Variants in TENM3 observed in about 807,000 individuals in gnomAD.
TENM3 encodes the protein teneurin transmembrane protein 3.
A neutral mutation model predicts 255.1 loss-of-function variants in TENM3; 63 were observed. The ratio of observed to expected loss-of-function variants is 0.25; its 90% CI spans 0.20 to 0.30. TENM3 has a LOEUF of 0.30. TENM3 is among the 10% of genes least tolerant of loss of function. The pLI is 1.00. For synonymous variants in TENM3, 1,306 were observed against 1,322.3 expected (o/e 0.99, Z 0.27); for missense variants, 2,929 against 3,461.1 (o/e 0.85, Z 3.86).
chr4:181,783,845 G>A, the TENM3 span, among the ~76,000 whole-genome samples: 2 of 151,952 alleles, frequency 1.3e-5, no homozygotes, highest in African/African-American at 2.4e-5. Context: ...GATTATAAGT[G>A]CGCACCACTA....
At chr4:181,909,374 C>A in the TENM3 span, among the ~76,000 whole-genome samples, 214 of 152,236 alleles carry the variant, frequency 1.4e-3, no homozygotes, top group Middle Eastern at 0.01. Context: ...ACATCTTGAC[C>A]ACAGAATGTT....
chr4:181,818,720 G>A, the TENM3 span, among the ~76,000 whole-genome samples: 9 of 150,712 alleles, frequency 6.0e-5, no homozygotes, highest in East Asian at 2.0e-4. Context: ...AGTGATTCTC[G>A]TGCCTCAGCC....
At chr4:181,690,449 A>G in the TENM3 span, among the ~76,000 whole-genome samples, 5 of 152,232 alleles carry the variant, frequency 3.3e-5, no homozygotes, top group African/African-American at 1.2e-4. Flanking sequence ...AAAGCCAGGG[A>G]TATATAACTG....
the TENM3 span, among the ~76,000 whole-genome samples, chr4:181,479,581 G>A: frequency 7.9e-5 from 12 of 151,826 alleles, no homozygotes; most frequent in Admixed American, 7.9e-4. Context: ...TCATAAATAT[G>A]GCCTCTTTCA....
the TENM3 span, among the ~76,000 whole-genome samples, chr4:181,881,665 A>G: frequency 6.6e-6 from 1 of 152,176 alleles, no homozygotes; most frequent in Admixed American, 6.5e-5. Flanking sequence ...TCACAAGTCA[A>G]TGAAATATGA....
chr4:182,735,305 G>T (rs990846473), intron 16 of TENM3, among the ~76,000 whole-genome samples: 1 of 152,090 alleles, frequency 6.6e-6, no homozygotes, highest in East Asian at 1.9e-4. Flanking sequence ...ACCACATCGC[G>T]TCCCTCTTCA....
At chr4:181,466,122 G>A in the TENM3 span, among the ~76,000 whole-genome samples, 12 of 111,360 alleles carry the variant, frequency 1.1e-4, no homozygotes, top group South Asian at 1.0e-3. Flanking sequence ...TTTTTTTTTT[G>A]TTTTGTTTTT....
chr4:182,266,953 G>T (rs1759282569), intron 1 of TENM3, among the ~76,000 whole-genome samples: 1 of 152,078 alleles, frequency 6.6e-6, no homozygotes, highest in South Asian at 2.1e-4. Context: ...TCTTTAGAAG[G>T]TGGTTTATAA....
At chr4:182,287,623 A>AT (rs1554043850) in intron 1 of TENM3, among the ~76,000 whole-genome samples, 1 of 144,142 alleles carries the variant, frequency 6.9e-6, no homozygotes, top group Non-Finnish European at 1.5e-5. Flanking sequence ...TTATTTATTT[A>AT]TTTTTTTTGA....
At chr4:182,605,536 G>C (rs79774968) in intron 4 of TENM3, among the ~76,000 whole-genome samples, 1 of 149,394 alleles carries the variant, frequency 6.7e-6, no homozygotes, top group Non-Finnish European at 1.5e-5. Flanking sequence ...CTAATGAATA[G>C]TAAAAAATCA....
At chr4:182,522,162 CATT>C (rs1738649036) in intron 3 of TENM3, among the ~76,000 whole-genome samples, 1 of 152,132 alleles carries the variant, frequency 6.6e-6, no homozygotes, top group Non-Finnish European at 1.5e-5. Flanking sequence ...GCACCTTAAA[CATT>C]AATTTTTTTC....
chr4:182,569,946 A>T (rs1334004543), intron 3 of TENM3, among the ~76,000 whole-genome samples: 1 of 152,210 alleles, frequency 6.6e-6, no homozygotes, highest in Non-Finnish European at 1.5e-5. Context: ...TGCAGGTAGG[A>T]TATATTAGGG....
intron 3 of TENM3, among the ~76,000 whole-genome samples, chr4:182,413,435 G>C (rs1201128059): frequency 6.6e-6 from 1 of 152,070 alleles, no homozygotes; most frequent in Non-Finnish European, 1.5e-5. Flanking sequence ...TGGCCAACAT[G>C]GCGAAACCCT....
chr4:181,788,030 C>T, the TENM3 span, among the ~76,000 whole-genome samples: 3 of 152,090 alleles, frequency 2.0e-5, no homozygotes, highest in African/African-American at 7.2e-5. Flanking sequence ...CCAGCCACTT[C>T]GAGATCACTT....
the TENM3 span, among the ~76,000 whole-genome samples, chr4:181,482,577 ATTAATTTATACTTACTAAGAT>A: frequency 6.6e-6 from 1 of 152,136 alleles, no homozygotes; most frequent in African/African-American, 2.4e-5. Flanking sequence ...CTGCTTATTT[ATTAATTTATACTTACTAAGAT>A]TTAAAGAGAT....
At chr4:181,578,620 G>C in the TENM3 span, among the ~76,000 whole-genome samples, 2 of 152,230 alleles carry the variant, frequency 1.3e-5, no homozygotes, top group Non-Finnish European at 2.9e-5. Flanking sequence ...CTGTACTTCA[G>C]ACTTTGCCAC....
chr4:181,990,022 C>G, the TENM3 span, among the ~76,000 whole-genome samples: 243 of 152,206 alleles, frequency 1.6e-3, 2 homozygotes, highest in African/African-American at 5.6e-3. Flanking sequence ...TCTATATTTT[C>G]AGAGTCTAAT....
At chr4:182,018,248 A>T in the TENM3 span, among the ~76,000 whole-genome samples, 4 of 152,180 alleles carry the variant, frequency 2.6e-5, no homozygotes, top group Admixed American at 2.0e-4. Context: ...TACAAAGAAG[A>T]TCCTTCGCCT....
At chr4:182,156,381 A>C (rs1202565580) in intron 1 of TENM3, among the ~76,000 whole-genome samples, 2 of 151,884 alleles carry the variant, frequency 1.3e-5, no homozygotes, top group East Asian at 3.9e-4. Flanking sequence ...TTTTAGATTC[A>C]GGGGTGCACA....
Sources: gnomAD v4.1 joint callset for allele counts (sites outside exome capture counted in the v4.1 genomes callset) on GRCh38, gnomAD v4.1.1 for gene constraint, MANE v1.5 for transcripts, NCBI Gene and HGNC (gene_info 2026-07-23, HGNC 2026-07-21) for gene names.